The following PLK5 variants were observed in gnomAD, a reference collection of about 807,000 sequenced individuals.
The protein encoded by PLK5 is polo like kinase 5 (inactive).
A neutral mutation model predicts 33.7 loss-of-function variants in PLK5; 28 were observed. That is an observed-to-expected ratio of 0.83 (90% CI 0.62 to 1.14). The LOEUF (loss-of-function observed/expected upper bound fraction) is 1.14, where lower values mean the gene tolerates loss of function less well. Ranked by LOEUF, PLK5 falls within the 50% of genes most tolerant of loss-of-function variation. The pLI is 0.00. For synonymous variants in PLK5, 225 were observed against 202.2 expected, an observed-to-expected ratio of 1.11 and a Z score of -0.96; for missense variants, 492 against 461.5, an observed-to-expected ratio of 1.07 and a Z score of -0.61.
intron 6 of PLK5, among the ~76,000 whole-genome samples, chr19:1,527,385 T>G (rs1157193916): frequency 6.6e-6 from 1 of 152,106 alleles, no homozygotes; most frequent in Non-Finnish European, 1.5e-5. Context: ...GAGGATCGCT[T>G]GAGCCCAGGA....
At chr19:1,530,201 C>T (rs76040433) in intron 11 of PLK5, among the ~76,000 whole-genome samples, 2,506 of 152,222 alleles carry the variant, frequency 0.016, 74 homozygotes, top group African/African-American at 0.058. Flanking sequence ...CCCTCCTCTC[C>T]CTGAGCCTCC....
Position 1,529,656 on chromosome 19 carries a change from C to T in PLK5, c.491-91C>T. 3 of 1,434,710 alleles carry T rather than the reference C, an allele frequency of 2.1e-6. 1 individual carries two copies. The Admixed American group carries it at 5.9e-5, about 28-fold the overall frequency. 88.9% of individuals were successfully genotyped at this position (1,434,710 alleles called of 1,614,324 possible). On this transcript the variant is annotated intron_variant, in intron 10 of 13. Transcript: ENST00000454744. ...GCCTCTGGGTTGAGGATGAGATGTT[C>T]CTGGATGGAGCCGTGGGGAGGGGGA... is the stretch of plus-strand genomic sequence containing the variant.
At position 1,535,812 on chromosome 19, in the gene PLK5, C is replaced by A; in HGVS notation, c.*562C>A. On this transcript the variant is annotated 3_prime_UTR_variant, in exon 14 of 14. Transcript: ENST00000454744. ...ATGGCGTGAGCATGGGAGGTTGAGG[C>A]TGCAGTGAGCTGTGATTGCACCACT... 1 of 156,772 alleles carries A rather than the reference C, an allele frequency of 6.4e-6. No homozygotes were observed. The highest frequency in any genetic ancestry group is 1.4e-5 in the Non-Finnish European group (1 of 71,324). The allele number at this position is 156,772 out of a possible 1,614,324, so 9.7% of individuals were successfully genotyped here.
chr19:1,529,655 T>G, intron 10 of PLK5, 92 bp from the exon 11 acceptor site: 2 of 1,433,560 alleles, frequency 1.4e-6, no homozygotes, highest in South Asian at 2.4e-5. Flanking sequence ...GATGAGATGT[T>G]CCTGGATGGA....
rs1011399354 is a variant in PLK5 at position 1,526,770 on chromosome 19, G to A, written c.-116G>A. 1.7e-6 allele frequency: 1 copy of A among 587,290 alleles called. No homozygotes were observed. The highest frequency in any genetic ancestry group is 3.0e-5 in the East Asian group (1 of 33,126). The allele number at this position is 587,290 out of a possible 1,614,324, so 36.4% of individuals were successfully genotyped here. The stretch of plus-strand genomic sequence containing the variant: ...GACCTGGGACTGGCGGCCAAGGTGG[G>A]GCCAGGGGGCCGCTGCCACAGGTGA... On this transcript the variant is annotated 5_prime_UTR_variant, in exon 5 of 14. Coordinates refer to ENST00000454744, the MANE Select transcript of PLK5 (RefSeq NM_001243079.2).
chr19:1,533,393 A>G (rs1913990382), intron 12 of PLK5, among the ~76,000 whole-genome samples: 1 of 152,128 alleles, frequency 6.6e-6, no homozygotes, highest in Non-Finnish European at 1.5e-5. Flanking sequence ...GCCCGGCCTT[A>G]ACACAATCTT....
At position 1,535,386 on chromosome 19, in the gene PLK5, T is replaced by C; in HGVS notation, c.*136T>C. Reference sequence around the variant, plus strand: ...ACACGGGAGGTGGGTTCTTGCCTTGTGGCATGACTGTTCAACCCAGACTTT... The same window carrying C: ...ACACGGGAGGTGGGTTCTTGCCTTGCGGCATGACTGTTCAACCCAGACTTT... On this transcript the variant is annotated 3_prime_UTR_variant, in exon 14 of 14. Coordinates refer to ENST00000454744, the MANE Select transcript of PLK5 (RefSeq NM_001243079.2). 3.2e-6 allele frequency: 3 copies of C among 932,636 alleles called. No homozygotes were observed. Among genetic ancestry groups the C allele is most frequent in the Non-Finnish European group, 4.6e-6 (3 of 652,512 alleles). The allele number at this position is 932,636 out of a possible 1,614,324, so 57.8% of individuals were successfully genotyped here.
rs1456815999 is a variant in PLK5 at position 1,528,344 on chromosome 19, C to G, written c.244C>G (p.Pro82Ala). The part of the protein sequence containing the change: ...DRLPAHSCHS[P>A]PIFAIPPPLG... ...GCTGCCGGCCCACTCCTGCCACAGT[C>G]CCCCCATCTTCGCCATACCCCCGCC... Residue 82 changes from proline (P) to alanine (A), a missense_variant, in exon 8 of 14, where the codon CCC (proline) becomes GCC (alanine). Coordinates refer to ENST00000454744, the MANE Select transcript of PLK5 (RefSeq NM_001243079.2). 4 of 1,535,646 alleles carry G rather than the reference C, an allele frequency of 2.6e-6. No individual in the cohort carries two copies. Among genetic ancestry groups the G allele is most frequent in the Admixed American group, 3.9e-5 (2 of 50,956 alleles).
chr19:1,531,631 G>A (rs935402610), intron 11 of PLK5, 107 bp from the exon 12 acceptor site: 63 of 1,351,924 alleles, frequency 4.7e-5, no homozygotes, highest in Middle Eastern at 1.8e-4. Flanking sequence ...TCCGGTCCCC[G>A]CCGTGGGAAG....
chr19:1,528,173 G>GTCCCTGGCGTGGGA (rs1913802453), intron 7 of PLK5, 39 bp downstream of exon 7: 1 of 1,529,496 alleles, frequency 6.5e-7, no homozygotes. Flanking sequence ...CTGGCGTGGG[G>GTCCCTGGCGTGGGA]TCCCTGGCAG....
At chr19:1,528,555 CG>C in intron 8 of PLK5, 127 bp downstream of exon 8, 1 of 600,448 alleles carries the variant, frequency 1.7e-6, no homozygotes, top group Non-Finnish European at 2.3e-6. Flanking sequence ...CACCTGCCCA[CG>C]CCTCCCACCT....
At chr19:1,528,262 G>A in intron 7 of PLK5, 40 bp from the exon 8 acceptor site, 1 of 1,535,854 alleles carries the variant, frequency 6.5e-7, no homozygotes, top group Non-Finnish European at 8.7e-7. Flanking sequence ...CAGGGGCTGG[G>A]TGACCTAAGC....
Position 1,528,075 on chromosome 19 carries a change from C to T in PLK5, c.142C>T (p.Pro48Ser). 7 of 1,536,056 alleles carry T rather than the reference C, an allele frequency of 4.6e-6. No individual in the cohort carries two copies. Among genetic ancestry groups the T allele is most frequent in the Non-Finnish European group, 6.1e-6 (7 of 1,146,836 alleles). Residue 48 changes from proline to serine, a missense_variant, in exon 7 of 14, where the codon CCC (proline) becomes TCC (serine). Transcript: ENST00000454744. ...ARRLIVHLLAPNPAERPSLDH... is the reference protein window; with the variant it reads ...ARRLIVHLLASNPAERPSLDH... ...CCGCCTCATCGTGCACCTCCTAGCA[C>T]CCAACCCGGCCGAGCGGCCCAGCCT... is the stretch of plus-strand genomic sequence containing the variant.
rs759461067 is a variant in PLK5, at chr19:1,530,604, A to ATTT, written c.568+811_568+813dup. 3.2e-3 allele frequency among the ~76,000 whole-genome samples: 118 copies of ATTT among 36,550 alleles called. 7 individuals are homozygous for ATTT. The highest frequency in any genetic ancestry group is 3.7e-3 in the Non-Finnish European group (80 of 21,778). 24.0% of individuals were successfully genotyped at this position (36,550 alleles called of 152,430 possible). On this transcript the variant is annotated intron_variant, in intron 11 of 13. Transcript: ENST00000454744. ...GTCGTCAGCCACCACGCCTGGGCGCATTTTTTTTTTTTTTTTTTTTTTTTT... is the reference window on the plus strand; with the variant it reads ...GTCGTCAGCCACCACGCCTGGGCGCATTTTTTTTTTTTTTTTTTTTTTTTTTTT...
At chr19:1,529,966 G>C in intron 11 of PLK5, 142 bp downstream of exon 11, 1 of 857,086 alleles carries the variant, frequency 1.2e-6, no homozygotes, top group Non-Finnish European at 1.8e-6. Flanking sequence ...GGTGACATCA[G>C]GAGAGTGGGT....
At position 1,535,441 on chromosome 19, in the gene PLK5, C is replaced by T; in HGVS notation, c.*191C>T. On this transcript the variant is annotated 3_prime_UTR_variant, in exon 14 of 14. Coordinates refer to ENST00000454744, the MANE Select transcript of PLK5 (RefSeq NM_001243079.2). ...GGATCTCTTCCTTTTTCATTAAAGACAATTTGAAATGCTGTAGGCCATGGT... is the reference window on the plus strand; with the variant it reads ...GGATCTCTTCCTTTTTCATTAAAGATAATTTGAAATGCTGTAGGCCATGGT... 1 of 598,402 alleles carries T rather than the reference C, an allele frequency of 1.7e-6. No individual in the cohort carries two copies. Among genetic ancestry groups the T allele is most frequent in the South Asian group, 2.5e-5 (1 of 39,732 alleles). The allele number at this position is 598,402 out of a possible 1,614,324, so 37.1% of individuals were successfully genotyped here. A position where few individuals can be genotyped will look rare whatever the true frequency, so the allele number is the denominator to read the frequency against.
intron 11 of PLK5, among the ~76,000 whole-genome samples, chr19:1,530,609 T>G (rs1355864428): frequency 1.1e-5 from 1 of 92,754 alleles, no homozygotes; most frequent in African/African-American, 9.4e-5. Flanking sequence ...GGCGCATTTT[T>G]TTTTTTTTTT....
At position 1,529,777 on chromosome 19, in the gene PLK5, A is replaced by C. The variant is rs1047340681; in HGVS notation, c.521A>C (p.Glu174Ala). Reference protein sequence around the residue: ...GPEGSRRPEVEAALRHLQLCL... With the variant: ...GPEGSRRPEVAAALRHLQLCL... Reference sequence around the variant, plus strand: ...GAGGGGAGCCGGCGGCCAGAGGTGGAGGCGGCCCTCAGACACCTGCAGCTG... The same window carrying C: ...GAGGGGAGCCGGCGGCCAGAGGTGGCGGCGGCCCTCAGACACCTGCAGCTG... Residue 174 changes from glutamate to alanine, a missense_variant, in exon 11 of 14, where the codon GAG (glutamate) becomes GCG (alanine). Glu to Ala is a moderately radical substitution (Grantham distance 107). Transcript: ENST00000454744. The C allele has an allele frequency of 6.5e-7, 1 of 1,535,870 alleles. No individual in the cohort carries two copies. The highest frequency in any genetic ancestry group is 8.7e-7 in the Non-Finnish European group (1 of 1,146,858).
rs1204242673 is a variant in PLK5, at chr19:1,528,112, T to A, written c.179T>A (p.Leu60Gln). ...GAGCGGCCCAGCCTGGACCACCTGC[T>A]GCAGGACGACTTCTTCACACAGGTG... is the stretch of plus-strand genomic sequence containing the variant. ...PAERPSLDHL[L>Q]QDDFFTQGFT... Residue 60 changes from leucine to glutamine, a missense_variant, in exon 7 of 14, where the codon CTG becomes CAG. Coordinates refer to ENST00000454744, the MANE Select transcript of PLK5 (RefSeq NM_001243079.2). The A allele has an allele frequency of 6.5e-7, 1 of 1,535,646 alleles. No homozygotes were observed. The highest frequency in any genetic ancestry group is 8.7e-7 in the Non-Finnish European group (1 of 1,146,678).
Sources: allele counts gnomAD v4.1 joint callset (sites outside exome capture counted in the v4.1 genomes callset), GRCh38; gene constraint gnomAD v4.1.1; transcripts MANE v1.5; gene names NCBI Gene and HGNC (gene_info 2026-07-23, HGNC 2026-07-21).